The following ADGRV1 variants were observed in gnomAD, a reference collection of about 807,000 sequenced individuals.
The protein encoded by ADGRV1 is adhesion G protein-coupled receptor V1.
In ADGRV1, 359 loss-of-function variants were observed where a neutral mutation model predicts 596.2. That is an observed-to-expected ratio of 0.60 (90% CI 0.55 to 0.66). The LOEUF (loss-of-function observed/expected upper bound fraction) is 0.66. Ranked by LOEUF, ADGRV1 falls within the 30% of genes least tolerant of loss-of-function variation. ADGRV1 has a pLI of 0.00. For synonymous variants in ADGRV1, 2,681 were observed against 2,679.2 expected (o/e 1.00, Z -0.02); for missense variants, 7,274 against 7,575.6 (o/e 0.96, Z 1.48).
chr5:91,106,163 A>AT (rs1237873199), intron 87 of ADGRV1, among the ~76,000 whole-genome samples: 1 of 151,778 alleles, frequency 6.6e-6, no homozygotes, highest in Non-Finnish European at 1.5e-5. Flanking sequence ...GGGGGTCTAG[A>AT]TTTTTTCTTT....
At chr5:90,598,515 C>T (rs893140235) in intron 1 of ADGRV1, among the ~76,000 whole-genome samples, 3 of 152,142 alleles carry the variant, frequency 2.0e-5, no homozygotes, top group Admixed American at 6.5e-5. Context: ...CGTGCTGACC[C>T]GTGCCAGGAG....
At chr5:90,609,312 T>A (rs1762465252) in intron 1 of ADGRV1, among the ~76,000 whole-genome samples, 4 of 151,724 alleles carry the variant, frequency 2.6e-5, no homozygotes, top group African/African-American at 7.3e-5. Context: ...TATTTAAAGA[T>A]GAATAAAATA....
At chr5:90,820,704 G>T (rs1581227321) in intron 75 of ADGRV1, among the ~76,000 whole-genome samples, 3 of 150,458 alleles carry the variant, frequency 2.0e-5, no homozygotes, top group Middle Eastern at 6.8e-3. Flanking sequence ...TGAAATTCTG[G>T]GTTGAAAATT....
chr5:90,608,560 A>G (rs1762374695), intron 1 of ADGRV1, among the ~76,000 whole-genome samples: 1 of 152,150 alleles, frequency 6.6e-6, no homozygotes, highest in Non-Finnish European at 1.5e-5. Context: ...TTTACCTACA[A>G]TTCTATACTC....
chr5:91,000,040 A>C (rs1054000078), intron 85 of ADGRV1, among the ~76,000 whole-genome samples: 1 of 152,174 alleles, frequency 6.6e-6, no homozygotes, highest in Non-Finnish European at 1.5e-5. Context: ...TTTATTTTAG[A>C]AATTATGGAA....
chr5:90,616,977 G>T (rs1227895032), intron 2 of ADGRV1, among the ~76,000 whole-genome samples: 1 of 152,030 alleles, frequency 6.6e-6, no homozygotes, highest in East Asian at 2.0e-4. Flanking sequence ...AGAACATGTG[G>T]ATGAGAACAT....
At position 90,622,043 on chromosome 5, in the gene ADGRV1, G is replaced by A. The variant is rs557294919; in HGVS notation, c.454-554G>A. 6.6e-5 allele frequency among the ~76,000 whole-genome samples: 10 copies of A among 152,294 alleles called. 1 individual carries two copies. The East Asian group carries it at 1.2e-3, about 18-fold the overall frequency. On this transcript the variant is annotated intron_variant, in intron 4 of 89. Transcript: ENST00000405460. ...AGCCTGTATGTACTTGGCTGTGTCC[G>A]TGTTCCTCCTCTTCTACCCTGAGTT...
chr5:90,764,242 G>A (rs1435312412), intron 59 of ADGRV1, among the ~76,000 whole-genome samples: 1 of 152,184 alleles, frequency 6.6e-6, no homozygotes, highest in African/African-American at 2.4e-5. Context: ...TCTAGGAGCT[G>A]TTACCAAAAT....
chr5:90,840,501 T>C, intron 77 of ADGRV1, 77 bp from the exon 78 acceptor site: 2 of 1,267,330 alleles, frequency 1.6e-6, no homozygotes, highest in South Asian at 1.6e-5. Context: ...ATTGAATTTG[T>C]TTAAGAAACA....
chr5:90,748,425 A>G (rs945238089), intron 52 of ADGRV1, among the ~76,000 whole-genome samples: 1 of 152,062 alleles, frequency 6.6e-6, no homozygotes, highest in Non-Finnish European at 1.5e-5. Flanking sequence ...TCAACATACA[A>G]TCAACATAAA....
intron 83 of ADGRV1, among the ~76,000 whole-genome samples, chr5:90,924,627 T>C (rs1774235071): frequency 6.6e-6 from 1 of 151,746 alleles, no homozygotes; most frequent in Admixed American, 6.6e-5. Context: ...GCAGAAGCTC[T>C]TTAGTTTAAT....
At chr5:90,783,430 C>T (rs2150103514) in intron 66 of ADGRV1, 105 bp downstream of exon 66, 1 of 796,690 alleles carries the variant, frequency 1.3e-6, no homozygotes, top group South Asian at 1.6e-5. Context: ...AATATGTGTC[C>T]ATTGGAAAAC....
In ADGRV1 at chr5:91,163,859, G is replaced by C. The variant is rs779615989; in HGVS notation, c.18880G>C (p.Val6294Leu). 2.5e-6 allele frequency: 4 copies of C among 1,604,924 alleles called. No homozygotes were observed. The Admixed American group carries it at 6.7e-5, about 27-fold the overall frequency. ...GGGCACCTTGACTGACTCCCAGATC[G>C]TGGAGCTCAGGAGGATACCCATCGC... ...EGGTLTDSQI[V>L]ELRRIPIADT... Residue 6294 changes from valine (V) to leucine (L), a missense_variant, in exon 90 of 90, where the codon GTG (valine) becomes CTG (leucine). Val to Leu is a conservative substitution (Grantham distance 32, BLOSUM62 1). Coordinates refer to ENST00000405460, the MANE Select transcript of ADGRV1 (RefSeq NM_032119.4).
At chr5:90,817,732 G>A (rs984332758) in intron 75 of ADGRV1, among the ~76,000 whole-genome samples, 22 of 152,148 alleles carry the variant, frequency 1.4e-4, no homozygotes, top group African/African-American at 4.6e-4. Flanking sequence ...GTAGATATGC[G>A]GCGTTACTTC....
At chr5:90,979,224 A>G (rs779630148) in intron 84 of ADGRV1, among the ~76,000 whole-genome samples, 4 of 150,560 alleles carry the variant, frequency 2.7e-5, no homozygotes, top group African/African-American at 9.8e-5. Context: ...GCTGGAGTGC[A>G]GTGGCGCAGT....
At chr5:90,805,565 G>T in intron 72 of ADGRV1, 107 bp downstream of exon 72, 10 of 908,464 alleles carry the variant, frequency 1.1e-5, no homozygotes, top group Non-Finnish European at 1.6e-5. Context: ...TGTAGTTTTC[G>T]AATACAATGC....
rs944373906 is a variant in ADGRV1, at chr5:90,789,772, C to T, written c.13964C>T (p.Ser4655Leu). The change falls in exon 69 of 90, where the codon TCA becomes TTA. Residue 4655 changes from serine (S) to leucine (L), a missense_variant. Around this residue, in one of 5 missense-constraint regions of ADGRV1, gnomAD observed 3,643 missense variants for 3,809.2 expected, o/e 0.96. Transcript: ENST00000405460. ...GAAACTTTGTCTAAGAAGACTTATT[C>T]AGAGCCTCTGGCTCTGGAAGGGCCC... ...APETLSKKTY[S>L]EPLALEGPLL... The T allele has an allele frequency of 1.9e-6, 3 of 1,554,872 alleles. No homozygotes were observed. The highest frequency in any genetic ancestry group is 3.4e-4 in the Middle Eastern group (2 of 5,950).
At chr5:90,645,211 G>A (rs183769020) in intron 15 of ADGRV1, among the ~76,000 whole-genome samples, 1 of 152,162 alleles carries the variant, frequency 6.6e-6, no homozygotes, top group Admixed American at 6.5e-5. Flanking sequence ...ACCGGGACAC[G>A]GGGTCGCATG....
chr5:90,711,430 A>T lies in ADGRV1; in HGVS notation c.9042+108A>T, dbSNP rs1749335337. Reference sequence around the variant, plus strand: ...CCATATAAATAAATTATTCTTAAAAACCATTGTATTTTTCACAGTAAATTA... The same window carrying T: ...CCATATAAATAAATTATTCTTAAAATCCATTGTATTTTTCACAGTAAATTA... On this transcript the variant is annotated intron_variant, in intron 41 of 89. Coordinates refer to ENST00000405460, the MANE Select transcript of ADGRV1 (RefSeq NM_032119.4). 3 of 817,372 alleles carry T rather than the reference A, an allele frequency of 3.7e-6. No individual in the cohort carries two copies. In the East Asian group the frequency reaches 8.8e-5, roughly 24 times the overall value. 50.6% of individuals were successfully genotyped at this position (817,372 alleles called of 1,614,324 possible).
Sources: allele counts gnomAD v4.1 joint callset (sites outside exome capture counted in the v4.1 genomes callset), GRCh38; gene constraint gnomAD v4.1.1; regional missense constraint gnomAD v4.1.1; transcripts MANE v1.5; gene names NCBI Gene and HGNC (gene_info 2026-07-23, HGNC 2026-07-21).